TRIO: variants seen among roughly 807,000 people sequenced by gnomAD.
TRIO encodes the protein trio Rho guanine nucleotide exchange factor.
TRIO carries 58 observed loss-of-function variants against 351.9 expected under a neutral mutation model. The ratio of observed to expected loss-of-function variants is 0.16; its 90% CI spans 0.13 to 0.21. The LOEUF is 0.21. Among genes scored for constraint, TRIO ranks in the 10% least tolerant of loss-of-function variants. The probability of loss-of-function intolerance (pLI) is 1.00; values close to 1 mark genes in which losing one functional copy is unlikely to be tolerated. For synonymous variants in TRIO, 1,758 were observed against 1,595.7 expected (o/e 1.10, Z -2.42); for missense variants, 3,201 against 4,027.8 (o/e 0.79, Z 5.56).
At chr5:14,152,046 G>C (rs1021674262) in intron 1 of TRIO, among the ~76,000 whole-genome samples, 1 of 152,098 alleles carries the variant, frequency 6.6e-6, no homozygotes, top group Non-Finnish European at 1.5e-5. Context: ...GCTTTGACTG[G>C]AGTGTTATAT....
chr5:14,315,916 A>G (rs1278004722), intron 8 of TRIO, among the ~76,000 whole-genome samples: 3 of 152,238 alleles, frequency 2.0e-5, no homozygotes, highest in Admixed American at 2.0e-4. Context: ...CTACCTTTTA[A>G]AGTTAATGAA....
chr5:14,219,295 C>T (rs1792438330), intron 1 of TRIO, among the ~76,000 whole-genome samples: 2 of 152,074 alleles, frequency 1.3e-5, no homozygotes, highest in Admixed American at 1.3e-4. Context: ...TCCTTACCCC[C>T]CGCCCACAGT....
intron 47 of TRIO, 74 bp downstream of exon 47, chr5:14,485,320 A>G (rs1237344073): frequency 1.4e-6 from 2 of 1,428,970 alleles, no homozygotes; most frequent in Admixed American, 2.3e-5. Flanking sequence ...TCCCTCTCCC[A>G]TTCATATCCA....
chr5:14,397,011 CTT>C (rs1747657748), intron 28 of TRIO, 30 bp from the exon 29 acceptor site: 1 of 1,566,710 alleles, frequency 6.4e-7, no homozygotes, highest in Non-Finnish European at 8.7e-7. Context: ...ATTCTGCAGT[CTT>C]TACCTAGTTT....
chr5:14,154,500 G>A (rs1246152936), intron 1 of TRIO, among the ~76,000 whole-genome samples: 1 of 152,084 alleles, frequency 6.6e-6, no homozygotes, highest in Non-Finnish European at 1.5e-5. Context: ...ATGATATTTA[G>A]TTGGGGGAAG....
chr5:14,196,077 A>C (rs536741230), intron 1 of TRIO, among the ~76,000 whole-genome samples: 1 of 152,270 alleles, frequency 6.6e-6, no homozygotes, highest in South Asian at 2.1e-4. Flanking sequence ...GCCATCTAGC[A>C]CATGTATTAT....
chr5:14,403,135 GTGCAGGTTGTGGTGGTGAGGGT>G (rs1191785874), intron 31 of TRIO, among the ~76,000 whole-genome samples: 6 of 134,844 alleles, frequency 4.4e-5, no homozygotes, highest in East Asian at 2.1e-4. Context: ...TGTGGTGAGG[GTGCAGGTTGTGGTGGTGAGGGT>G]TGTAGGTTGT....
chr5:14,450,916 T>A (rs898237432), intron 34 of TRIO, among the ~76,000 whole-genome samples: 1 of 152,164 alleles, frequency 6.6e-6, no homozygotes, highest in African/African-American at 2.4e-5. Flanking sequence ...AAATTAAGAC[T>A]CACTAGTACT....
chr5:14,293,748 C>G (rs1223637161), intron 6 of TRIO, among the ~76,000 whole-genome samples: 1 of 152,160 alleles, frequency 6.6e-6, no homozygotes, highest in Admixed American at 6.5e-5. Context: ...GAAACCAAAA[C>G]CAAACCAAAA....
At position 14,488,110 on chromosome 5, in the gene TRIO, C is replaced by T; in HGVS notation, c.7482C>T (p.Ala2494=). ...GGAGCTCCATCCCCGCCTCCCCCGC[C>T]AGCCGACCCGGCTCCTTCACCTTCC... ...SFWSSIPASP[A]SRPGSFTFPG... is the part of the protein sequence containing the mutation. The change falls in exon 48 of 57, where the codon GCC becomes GCT. Residue 2494 remains alanine, a synonymous_variant. Coordinates refer to ENST00000344204, the MANE Select transcript of TRIO (RefSeq NM_007118.4). 3 of 1,609,770 alleles carry T rather than the reference C, an allele frequency of 1.9e-6. No individual in the cohort carries two copies. Among genetic ancestry groups the T allele is most frequent in the Non-Finnish European group, 1.7e-6 (2 of 1,179,204 alleles).
At chr5:14,253,494 A>G (rs1454204679) in intron 1 of TRIO, among the ~76,000 whole-genome samples, 1 of 151,930 alleles carries the variant, frequency 6.6e-6, no homozygotes. Context: ...CTGGGACCAC[A>G]GGTCCCGGCT....
At chr5:14,390,088 A>C (rs1746916942) in intron 25 of TRIO, 143 bp from the exon 26 acceptor site, 2 of 695,058 alleles carry the variant, frequency 2.9e-6, no homozygotes, top group East Asian at 2.8e-5. Flanking sequence ...AGCTGTTTGA[A>C]AGTCACAATA....
chr5:14,393,511 A>G (rs899198250), intron 27 of TRIO, among the ~76,000 whole-genome samples: 1 of 152,194 alleles, frequency 6.6e-6, no homozygotes, highest in African/African-American at 2.4e-5. Context: ...GCTTTCTTCT[A>G]CAGCTTCCTC....
At chr5:14,223,691 G>A (rs1792795616) in intron 1 of TRIO, among the ~76,000 whole-genome samples, 1 of 152,228 alleles carries the variant, frequency 6.6e-6, no homozygotes, top group Admixed American at 6.5e-5. Context: ...GGGCTGCGGT[G>A]TGCAGCTGTG....
At position 14,487,444 on chromosome 5, in the gene TRIO, C is replaced by T. The variant is rs749200437; in HGVS notation, c.6836-20C>T. 1 of 1,100,042 alleles carries T rather than the reference C, an allele frequency of 9.1e-7. No individual in the cohort carries two copies. The highest frequency in any genetic ancestry group is 1.1e-6 in the Non-Finnish European group (1 of 885,618). 68.1% of individuals were successfully genotyped at this position (1,100,042 alleles called of 1,614,324 possible). On this transcript the variant is annotated intron_variant, in intron 47 of 56. Transcript: ENST00000344204. ...TCCTTGGCGCCCTGACCCAGTCTCT[C>T]CCGCTGTCTTGTCTTACAGCCTTGA...
chr5:14,151,312 T>C (rs1787812336), intron 1 of TRIO, among the ~76,000 whole-genome samples: 1 of 152,142 alleles, frequency 6.6e-6, no homozygotes, highest in South Asian at 2.1e-4. Context: ...AGTTCAAATT[T>C]ACACGTATAA....
chr5:14,479,162 T>G, intron 41 of TRIO, 99 bp from the exon 42 acceptor site: 6 of 986,354 alleles, frequency 6.1e-6, no homozygotes, highest in Middle Eastern at 2.1e-4. Flanking sequence ...GGTTTTAAGA[T>G]GAGTGCCTTT....
At chr5:14,400,068 C>G (rs979371428) in intron 30 of TRIO, among the ~76,000 whole-genome samples, 1 of 152,178 alleles carries the variant, frequency 6.6e-6, no homozygotes, top group African/African-American at 2.4e-5. Context: ...CTGGAATTCA[C>G]AGGTTCCAAA....
intron 36 of TRIO, among the ~76,000 whole-genome samples, chr5:14,465,274 A>G (rs536509785): frequency 6.6e-6 from 1 of 152,330 alleles, no homozygotes; most frequent in East Asian, 1.9e-4. Context: ...CCTCTTTGAA[A>G]AAAACACTGT....
Sources: gnomAD v4.1 joint callset for allele counts (sites outside exome capture counted in the v4.1 genomes callset) on GRCh38, gnomAD v4.1.1 for gene constraint, MANE v1.5 for transcripts, NCBI Gene and HGNC (gene_info 2026-07-23, HGNC 2026-07-21) for gene names.